The following ARHGEF7 variants were observed in gnomAD, a reference collection of about 807,000 sequenced individuals.
ARHGEF7 encodes Rho guanine nucleotide exchange factor 7.
In ARHGEF7, 33 loss-of-function variants were observed where a neutral mutation model predicts 109.8. The observed-to-expected ratio is 0.30, with a 90% CI of 0.23 to 0.40. ARHGEF7 has a LOEUF of 0.40. Among genes scored for constraint, ARHGEF7 ranks in the 10% least tolerant of loss-of-function variants. ARHGEF7 has a pLI of 1.00. For missense variants in ARHGEF7, 938 were observed against 1,098.5 expected (o/e 0.85, Z 2.07); for synonymous variants, 458 against 424.6 (o/e 1.08, Z -0.97).
rs117873149 is a variant in ARHGEF7 at position 111,156,575 on chromosome 13, A to G, written c.252+2584A>G. On this transcript the variant is annotated intron_variant, in intron 2 of 21. Transcript: ENST00000646102. ...ACCCTGAGAAGTCATTTTGTATGCT[A>G]TGCATCCAGCTCTGGCTTCCAGCCT... Among the ~76,000 whole-genome samples, 158 of 152,366 alleles carry G rather than the reference A, an allele frequency of 1.0e-3. 3 individuals are homozygous for G. The East Asian group carries it at 0.026, about 25-fold the overall frequency.
intron 19 of ARHGEF7, among the ~76,000 whole-genome samples, chr13:111,299,704 C>T (rs2093517585): frequency 6.6e-6 from 1 of 152,182 alleles, no homozygotes. Flanking sequence ...TTTCCTGTGA[C>T]AGTGAGGCTG....
intron 1 of ARHGEF7, among the ~76,000 whole-genome samples, chr13:111,138,709 G>A (rs1017259888): frequency 1.3e-5 from 2 of 152,136 alleles, no homozygotes; most frequent in African/African-American, 2.4e-5. Flanking sequence ...TCAGTCCAGC[G>A]TATGCTTTGC....
intron 6 of ARHGEF7, among the ~76,000 whole-genome samples, chr13:111,240,803 A>T (rs2087633860): frequency 6.6e-6 from 1 of 152,224 alleles, no homozygotes. Context: ...ATATGGAAAT[A>T]CAGTTGTATG....
At chr13:111,292,945 C>G (rs186191671) in intron 19 of ARHGEF7, 2 of 985,936 alleles carry the variant, frequency 2.0e-6, no homozygotes, top group African/African-American at 1.7e-5. Flanking sequence ...CTCCACCTCA[C>G]GGCTCTGTGC....
intron 1 of ARHGEF7, among the ~76,000 whole-genome samples, chr13:111,139,142 A>G (rs923260202): frequency 1.3e-5 from 2 of 152,242 alleles, no homozygotes; most frequent in African/African-American, 4.8e-5. Context: ...GCTCAAAGGT[A>G]CAGTAGAGAT....
rs575980309 is a variant in ARHGEF7 at position 111,268,610 on chromosome 13, G to A, written c.1073+940G>A. Among the ~76,000 whole-genome samples, 6 of 152,326 alleles carry A rather than the reference G, an allele frequency of 3.9e-5. No homozygotes were observed. The East Asian group carries it at 5.8e-4, about 15-fold the overall frequency. On this transcript the variant is annotated intron_variant, in intron 9 of 21. Coordinates refer to ENST00000646102, the MANE Select transcript of ARHGEF7 (RefSeq NM_001354046.2). ...ATTTGGGGCTCAGGTGTGGCGCTGC[G>A]TGGGTGTCCTAGGACAGCTCAGACA... is the stretch of plus-strand genomic sequence containing the variant.
At chr13:111,302,879 C>T (rs923801527) in intron 21 of ARHGEF7, 112 bp from the exon 22 acceptor site, 20 of 1,379,910 alleles carry the variant, frequency 1.4e-5, no homozygotes, top group South Asian at 1.4e-4. Context: ...AGGCAGCTCA[C>T]GTGGGATTTC....
intron 8 of ARHGEF7, among the ~76,000 whole-genome samples, chr13:111,245,413 A>C (rs1039939647): frequency 1.1e-4 from 16 of 152,146 alleles, no homozygotes; most frequent in African/African-American, 3.9e-4. Flanking sequence ...AGAAGATGAC[A>C]CTTCAAGATG....
chr13:111,161,967 A>G (rs2076778589), intron 2 of ARHGEF7, among the ~76,000 whole-genome samples: 1 of 152,218 alleles, frequency 6.6e-6, no homozygotes, highest in Non-Finnish European at 1.5e-5. Context: ...GGTTGTGAAC[A>G]GTGGACTGTG....
intron 1 of ARHGEF7, among the ~76,000 whole-genome samples, chr13:111,124,343 C>T (rs1243209090): frequency 6.6e-6 from 1 of 152,240 alleles, no homozygotes; most frequent in East Asian, 1.9e-4. Context: ...GCAGGTCTCG[C>T]CATGGGGCAG....
chr13:111,185,764 GTA>G (rs1348691423), intron 2 of ARHGEF7, among the ~76,000 whole-genome samples: 6 of 152,172 alleles, frequency 3.9e-5, no homozygotes, highest in Admixed American at 3.9e-4. Flanking sequence ...CTGTGTGTGT[GTA>G]CGTGGTGAGT....
chr13:111,205,822 C>CT (rs972327377), intron 3 of ARHGEF7, among the ~76,000 whole-genome samples: 5 of 152,076 alleles, frequency 3.3e-5, no homozygotes, highest in African/African-American at 1.2e-4. Flanking sequence ...TCCAGGGCTC[C>CT]TGAGGGCTGT....
chr13:111,230,453 T>G (rs947345556), intron 5 of ARHGEF7, among the ~76,000 whole-genome samples: 2 of 152,206 alleles, frequency 1.3e-5, no homozygotes, highest in Non-Finnish European at 2.9e-5. Flanking sequence ...CTTCCTAGGC[T>G]GCCCGGGAGT....
intron 1 of ARHGEF7, among the ~76,000 whole-genome samples, chr13:111,120,697 G>A (rs1016313414): frequency 6.6e-6 from 1 of 152,158 alleles, no homozygotes; most frequent in African/African-American, 2.4e-5. Flanking sequence ...CTGCCTGCTC[G>A]CCTCCTTTCT....
chr13:111,279,118 G>A (rs981464462), intron 13 of ARHGEF7, among the ~76,000 whole-genome samples: 2 of 152,156 alleles, frequency 1.3e-5, no homozygotes, highest in Admixed American at 6.5e-5. Flanking sequence ...ACAGTTGTGC[G>A]GTTTCATTTT....
rs929798913 is a variant in ARHGEF7 at position 111,124,753 on chromosome 13, GT to G, written c.165+9070del. On this transcript the variant is annotated intron_variant, in intron 1 of 21. Transcript: ENST00000646102. The stretch of plus-strand genomic sequence containing the variant: ...GTGGCCTGGGGATAGGTGTCTTCTA[GT>G]TTTTTTTGTTTTGTTTTGTTTTTTA... Among the ~76,000 whole-genome samples, 7 of 151,704 alleles carry G rather than the reference GT, an allele frequency of 4.6e-5. No homozygotes were observed. In the South Asian group the frequency reaches 8.3e-4, roughly 18 times the overall value.
At chr13:111,137,849 A>G in intron 1 of ARHGEF7, among the ~76,000 whole-genome samples, 1 of 152,192 alleles carries the variant, frequency 6.6e-6, no homozygotes, top group East Asian at 1.9e-4. Flanking sequence ...GGGAAGAACT[A>G]TAGCTAAATA....
chr13:111,294,473 T>C (rs909293751), intron 19 of ARHGEF7: 1 of 985,458 alleles, frequency 1.0e-6, no homozygotes, highest in African/African-American at 1.7e-5. Flanking sequence ...TACACCAAAG[T>C]TTTGACGGTT....
chr13:111,283,463 C>T, intron 16 of ARHGEF7, 100 bp downstream of exon 16: 4 of 1,458,064 alleles, frequency 2.7e-6, no homozygotes, highest in South Asian at 1.4e-5. Flanking sequence ...GCAAAATGCA[C>T]CCTAACTCCT....
Sources: allele counts gnomAD v4.1 joint callset (sites outside exome capture counted in the v4.1 genomes callset), GRCh38; gene constraint gnomAD v4.1.1; transcripts MANE v1.5; gene names NCBI Gene and HGNC (gene_info 2026-07-23, HGNC 2026-07-21).